The following PDE4D variants were observed in gnomAD, a reference collection of about 807,000 sequenced individuals.
PDE4D encodes 3',5'-cyclic-AMP phosphodiesterase 4D.
Under a neutral mutation model 87.4 loss-of-function variants are expected in PDE4D, and 24 were observed. That is an observed-to-expected ratio of 0.27 (90% confidence interval 0.20 to 0.39). The LOEUF is 0.39. Ranked by LOEUF, PDE4D falls within the 10% of genes least tolerant of loss-of-function variation. The probability of loss-of-function intolerance (pLI) is 1.00; values close to 1 mark genes in which losing one functional copy is unlikely to be tolerated. For missense variants in PDE4D, 714 were observed against 1,041.0 expected, an observed-to-expected ratio of 0.69 and a Z score of 4.32; for synonymous variants, 384 against 383.2, an observed-to-expected ratio of 1.00 and a Z score of -0.02.
At chr5:59,572,015 T>C (rs1821928292) in intron 1 of PDE4D, among the ~76,000 whole-genome samples, 1 of 152,202 alleles carries the variant, frequency 6.6e-6, no homozygotes, top group Non-Finnish European at 1.5e-5. Flanking sequence ...ATTTTCCTTA[T>C]GAATTGAATT....
intron 1 of PDE4D, among the ~76,000 whole-genome samples, chr5:59,395,059 C>T (rs537094248): frequency 5.3e-5 from 8 of 152,338 alleles, no homozygotes; most frequent in African/African-American, 1.4e-4. Flanking sequence ...GATTATATCC[C>T]GCACCTGGCT....
chr5:60,499,179 A>G lies in PDE4D; in HGVS notation n.70+22872T>C, dbSNP rs578025616. On this transcript the variant is annotated intron_variant and non_coding_transcript_variant, in intron 1 of 2. Coordinates refer to the PDE4D transcript ENST00000506510. The stretch of plus-strand genomic sequence containing the variant: ...AACAGTTCACACTGAGACTTAAAAA[A>G]CAACTGGATCTGTGTATTTAGGAAA... Among the ~76,000 whole-genome samples, 8 of 152,336 alleles carry G rather than the reference A, an allele frequency of 5.3e-5. 1 individual carries two copies. The highest frequency in any genetic ancestry group is 1.9e-4 in the African/African-American group (8 of 41,588).
At chr5:59,836,618 G>GTACC (rs1554095476) in intron 1 of PDE4D, among the ~76,000 whole-genome samples, 1 of 140,372 alleles carries the variant, frequency 7.1e-6, no homozygotes, top group Non-Finnish European at 1.5e-5. Flanking sequence ...CTTCCAAGAT[G>GTACC]TATCTATCTA....
chr5:59,737,158 T>C (rs189746192), intron 1 of PDE4D, among the ~76,000 whole-genome samples: 2 of 152,300 alleles, frequency 1.3e-5, no homozygotes, highest in Admixed American at 6.5e-5. Context: ...ATAGCACTAT[T>C]GTCTAATTGA....
intron 2 of PDE4D, among the ~76,000 whole-genome samples, chr5:60,048,275 G>T (rs1582369944): frequency 6.6e-6 from 1 of 152,262 alleles, no homozygotes; most frequent in African/African-American, 2.4e-5. Flanking sequence ...ACGTGAGATG[G>T]TTTTCCTGAT....
At chr5:59,256,539 C>G (rs1313179141) in intron 1 of PDE4D, among the ~76,000 whole-genome samples, 1 of 151,950 alleles carries the variant, frequency 6.6e-6, no homozygotes, top group East Asian at 1.9e-4. Flanking sequence ...TTGAAAAAGG[C>G]AAAACTGTTG....
intron 1 of PDE4D, among the ~76,000 whole-genome samples, chr5:60,440,448 G>A (rs922268994): frequency 6.6e-6 from 1 of 152,068 alleles, no homozygotes; most frequent in Non-Finnish European, 1.5e-5. Flanking sequence ...AAGTAAACAG[G>A]AAAAGTATAA....
intron 1 of PDE4D, among the ~76,000 whole-genome samples, chr5:59,677,808 G>T (rs191354697): frequency 6.6e-6 from 1 of 152,040 alleles, no homozygotes; most frequent in Non-Finnish European, 1.5e-5. Flanking sequence ...GTCCCCTTTG[G>T]CCCCTCCTAG....
At chr5:60,011,005 C>G (rs1250957197) in intron 2 of PDE4D, among the ~76,000 whole-genome samples, 1 of 152,152 alleles carries the variant, frequency 6.6e-6, no homozygotes, top group Non-Finnish European at 1.5e-5. Context: ...TTTATCTCAA[C>G]CTGCACTGTT....
intron 1 of PDE4D, among the ~76,000 whole-genome samples, chr5:59,395,714 A>C (rs2702360): frequency 4.0e-5 from 5 of 124,204 alleles, no homozygotes; most frequent in African/African-American, 1.3e-4. Context: ...CACCAGCAAC[A>C]GAACAAAGCT....
chr5:60,373,875 C>T lies in PDE4D; in HGVS notation c.-90+114067G>A, dbSNP rs1001224631. Among the ~76,000 whole-genome samples the T allele has an allele frequency of 2.6e-5, 4 of 152,294 alleles. No individual in the cohort carries two copies. In the South Asian group the frequency reaches 6.2e-4, roughly 24 times the overall value. ...CTGGGTGATGCTTGACTTTCTCATG[C>T]TGCGTCACTCTGACACTTACTCTAT... On this transcript the variant is annotated intron_variant, in intron 1 of 16. Coordinates refer to the PDE4D transcript ENST00000502484.
intron 1 of PDE4D, among the ~76,000 whole-genome samples, chr5:59,518,412 A>G (rs1028244022): frequency 6.6e-6 from 1 of 152,192 alleles, no homozygotes; most frequent in Non-Finnish European, 1.5e-5. Context: ...ACAAGCAAAC[A>G]TCCTTAATGT....
intron 1 of PDE4D, among the ~76,000 whole-genome samples, chr5:59,281,792 T>TTATA (rs1302102253): frequency 6.6e-6 from 1 of 152,140 alleles, no homozygotes; most frequent in Non-Finnish European, 1.5e-5. Flanking sequence ...TCTAGATATC[T>TTATA]TATATAGGGG....
intron 1 of PDE4D, among the ~76,000 whole-genome samples, chr5:60,239,637 G>C (rs1227440016): frequency 6.6e-6 from 1 of 151,936 alleles, no homozygotes; most frequent in Non-Finnish European, 1.5e-5. Context: ...TATTTGTAAA[G>C]ATTTCTAAAA....
chr5:59,381,251 A>G (rs1052348580), intron 1 of PDE4D, among the ~76,000 whole-genome samples: 1 of 152,108 alleles, frequency 6.6e-6, no homozygotes. Flanking sequence ...TCTAATATTT[A>G]CTTAGCTTGA....
At chr5:59,045,556 C>CAAAAAAAAAAAAAA (rs36051277) in intron 5 of PDE4D, among the ~76,000 whole-genome samples, 1 of 70,980 alleles carries the variant, frequency 1.4e-5, no homozygotes, top group Non-Finnish European at 2.7e-5. Context: ...AACTCTGTCT[C>CAAAAAAAAAAAAAA]AAAAAAAAAA....
intron 1 of PDE4D, among the ~76,000 whole-genome samples, chr5:59,809,221 A>G (rs1043975922): frequency 1.3e-5 from 2 of 152,168 alleles, no homozygotes; most frequent in Non-Finnish European, 2.9e-5. Context: ...AATACTGTCA[A>G]TGTGATTCCT....
intron 5 of PDE4D, chr5:59,180,368 T>C (rs1472501668): frequency 2.9e-6 from 2 of 695,854 alleles, no homozygotes; most frequent in Non-Finnish European, 2.7e-6. Context: ...CATAGTTAAA[T>C]GGTTAAAAAT....
intron 1 of PDE4D, among the ~76,000 whole-genome samples, chr5:59,369,834 G>A (rs1255495859): frequency 2.6e-5 from 4 of 152,104 alleles, no homozygotes; most frequent in Non-Finnish European, 5.9e-5. Context: ...AAATGGGGCA[G>A]CACTCCAAGC....
Sources: gnomAD v4.1 joint callset for allele counts (sites outside exome capture counted in the v4.1 genomes callset) on GRCh38, gnomAD v4.1.1 for gene constraint, MANE v1.5 for transcripts, NCBI Gene and HGNC (gene_info 2026-07-23, HGNC 2026-07-21) for gene names.